The following RNLS variants were observed in gnomAD, a reference collection of about 807,000 sequenced individuals.
The protein encoded by RNLS is renalase.
RNLS carries 39 observed loss-of-function variants against 39.8 expected under a neutral mutation model. The observed-to-expected ratio is 0.98, with a 90% CI of 0.76 to 1.28. RNLS has a LOEUF of 1.28. RNLS is among the 50% of genes most tolerant of loss of function. The pLI is 0.00. For missense variants in RNLS, 410 were observed against 413.3 expected (o/e 0.99, Z 0.07); for synonymous variants, 147 against 150.7 (o/e 0.98, Z 0.18).
chr10:88,175,937 A>G, the RNLS span, among the ~76,000 whole-genome samples: 1 of 152,148 alleles, frequency 6.6e-6, no homozygotes, highest in South Asian at 2.1e-4. Flanking sequence ...GTGCACACAT[A>G]TTTAGAATTG....
chr10:88,528,366 T>C (rs1202198289), intron 4 of RNLS, among the ~76,000 whole-genome samples: 1 of 151,986 alleles, frequency 6.6e-6, no homozygotes, highest in East Asian at 1.9e-4. Context: ...GTGTGGAAAA[T>C]GTATGTCCTA....
intron 4 of RNLS, among the ~76,000 whole-genome samples, chr10:88,562,702 G>T (rs1328728108): frequency 2.0e-5 from 3 of 152,024 alleles, no homozygotes; most frequent in African/African-American, 4.8e-5. Context: ...AGGCACCAAT[G>T]AAAAGGATAA....
downstream of RNLS, among the ~76,000 whole-genome samples, chr10:88,280,105 TCTC>T (rs1445295177): frequency 6.6e-6 from 1 of 152,124 alleles, no homozygotes; most frequent in African/African-American, 2.4e-5. Context: ...TCCCCTCTCC[TCTC>T]CTCCTCCCCC....
chr10:88,471,800 C>A (rs553245303), intron 4 of RNLS, among the ~76,000 whole-genome samples: 1 of 152,188 alleles, frequency 6.6e-6, no homozygotes, highest in South Asian at 2.1e-4. Context: ...CTAATTCTCC[C>A]AGCAACAATG....
chr10:88,176,367 G>A, the RNLS span, among the ~76,000 whole-genome samples: 2 of 151,854 alleles, frequency 1.3e-5, no homozygotes, highest in African/African-American at 4.8e-5. Flanking sequence ...GTAGAGATGG[G>A]GTTTCACCAT....
At chr10:88,299,924 G>C (rs1844391239) in intron 6 of RNLS, among the ~76,000 whole-genome samples, 1 of 152,142 alleles carries the variant, frequency 6.6e-6, no homozygotes, top group Non-Finnish European at 1.5e-5. Context: ...ATGAAAACAA[G>C]TATACAAGTG....
intron 4 of RNLS, among the ~76,000 whole-genome samples, chr10:88,410,039 G>A (rs1433506629): frequency 6.6e-6 from 1 of 152,078 alleles, no homozygotes; most frequent in East Asian, 1.9e-4. Context: ...ATGTGTGGCT[G>A]TGTTCAGCAA....
intron 4 of RNLS, 140 bp downstream of exon 4, chr10:88,572,763 G>A (rs568068607): frequency 1.7e-5 from 14 of 811,098 alleles, no homozygotes; most frequent in South Asian, 2.1e-5. Flanking sequence ...TCATGACGAC[G>A]GCCGTAAGTA....
chr10:88,524,700 C>A (rs905025497), intron 4 of RNLS, among the ~76,000 whole-genome samples: 1 of 151,752 alleles, frequency 6.6e-6, no homozygotes, highest in South Asian at 2.1e-4. Flanking sequence ...TAGAACATTT[C>A]CAGGATCACA....
intron 4 of RNLS, among the ~76,000 whole-genome samples, chr10:88,494,885 T>G (rs1300926992): frequency 6.6e-6 from 1 of 152,168 alleles, no homozygotes; most frequent in Non-Finnish European, 1.5e-5. Flanking sequence ...AGGGTTACTC[T>G]GAGGTCCCTA....
intron 6 of RNLS, among the ~76,000 whole-genome samples, chr10:88,308,501 C>T (rs1022612710): frequency 8.6e-5 from 13 of 151,844 alleles, no homozygotes; most frequent in African/African-American, 3.1e-4. Context: ...CAAAAGCAGA[C>T]ATACATATGG....
intron 4 of RNLS, among the ~76,000 whole-genome samples, chr10:88,393,077 C>A (rs951383317): frequency 1.4e-4 from 21 of 152,134 alleles, no homozygotes; most frequent in Non-Finnish European, 2.9e-4. Flanking sequence ...AAACCCACAG[C>A]CAATATCATA....
At chr10:88,569,466 AG>A (rs1170814255) in intron 4 of RNLS, among the ~76,000 whole-genome samples, 1 of 152,204 alleles carries the variant, frequency 6.6e-6, no homozygotes, top group Non-Finnish European at 1.5e-5. Flanking sequence ...AGTACCAAAA[AG>A]GATGTCAATT....
intron 4 of RNLS, among the ~76,000 whole-genome samples, chr10:88,533,253 T>C (rs1226059867): frequency 2.6e-5 from 4 of 152,128 alleles, no homozygotes; most frequent in Admixed American, 2.6e-4. Flanking sequence ...TTTTCTTTAG[T>C]ACAAATCATC....
intron 6 of RNLS, among the ~76,000 whole-genome samples, chr10:88,296,916 C>G (rs1237691634): frequency 1.3e-5 from 2 of 152,116 alleles, no homozygotes; most frequent in Non-Finnish European, 2.9e-5. Flanking sequence ...CAGACTGAGT[C>G]TGACTTCTTT....
chr10:88,184,411 T>G, the RNLS span, among the ~76,000 whole-genome samples: 1 of 152,118 alleles, frequency 6.6e-6, no homozygotes, highest in African/African-American at 2.4e-5. Flanking sequence ...TCAATGGGTG[T>G]TTATTTGGGG....
At chr10:88,198,817 A>G in the RNLS span, among the ~76,000 whole-genome samples, 2 of 152,190 alleles carry the variant, frequency 1.3e-5, no homozygotes, top group East Asian at 3.8e-4. Flanking sequence ...TCTTTGCTTC[A>G]TAAATAACCC....
chr10:88,497,516 C>A lies in RNLS; in HGVS notation c.526+75387G>T, dbSNP rs542753199. On this transcript the variant is annotated intron_variant, in intron 4 of 6. Coordinates refer to ENST00000331772, the MANE Select transcript of RNLS (RefSeq NM_001031709.3). ...ATACAAAAAGGGAGGATAAGTAAAG[C>A]AAATAACAGAGTTGGAAAATAAATG... Among the ~76,000 whole-genome samples the A allele has an allele frequency of 3.3e-4, 50 of 151,916 alleles. 1 individual carries two copies. Among genetic ancestry groups the A allele is most frequent in the African/African-American group, 1.0e-3 (43 of 41,484 alleles).
the RNLS span, among the ~76,000 whole-genome samples, chr10:88,204,309 G>A: frequency 6.6e-6 from 1 of 152,100 alleles, no homozygotes; most frequent in African/African-American, 2.4e-5. Context: ...AATGTCTGTC[G>A]GAATCAGTTA....
Sources: gnomAD v4.1 joint callset for allele counts (sites outside exome capture counted in the v4.1 genomes callset) on GRCh38, gnomAD v4.1.1 for gene constraint, MANE v1.5 for transcripts, NCBI Gene and HGNC (gene_info 2026-07-23, HGNC 2026-07-21) for gene names.